The following GPC6 variants were observed in gnomAD, a reference collection of about 807,000 sequenced individuals.
The protein encoded by GPC6 is glypican 6.
In GPC6, 14 loss-of-function variants were observed where a neutral mutation model predicts 55.2. That is an observed-to-expected ratio of 0.25 (90% confidence interval 0.17 to 0.40). GPC6 has a LOEUF of 0.40. Among genes scored for constraint, GPC6 ranks in the 10% least tolerant of loss-of-function variants. The pLI is 1.00. For synonymous variants in GPC6, 278 were observed against 259.6 expected (o/e 1.07, Z -0.68); for missense variants, 641 against 708.5 (o/e 0.90, Z 1.08).
At chr13:93,610,362 G>A (rs936888140) in intron 2 of GPC6, among the ~76,000 whole-genome samples, 18 of 152,094 alleles carry the variant, frequency 1.2e-4, no homozygotes, top group African/African-American at 3.9e-4. Context: ...ATTTTACATC[G>A]CAACCCAGAA....
intron 2 of GPC6, among the ~76,000 whole-genome samples, chr13:93,589,403 C>A (rs986608500): frequency 6.6e-6 from 1 of 152,150 alleles, no homozygotes; most frequent in Non-Finnish European, 1.5e-5. Flanking sequence ...ATGTATCCAT[C>A]CATTAACTCT....
chr13:93,428,524 TCTCTA>T (rs1877238222), intron 1 of GPC6, among the ~76,000 whole-genome samples: 1 of 152,150 alleles, frequency 6.6e-6, no homozygotes, highest in Non-Finnish European at 1.5e-5. Context: ...ATTAAAAACT[TCTCTA>T]CTCTGGGGGT....
At chr13:94,239,192 G>A (rs1331329485) in intron 4 of GPC6, among the ~76,000 whole-genome samples, 8 of 152,096 alleles carry the variant, frequency 5.3e-5, no homozygotes, top group African/African-American at 1.4e-4. Flanking sequence ...GGCCCTTCTC[G>A]GTTTAATTGT....
intron 1 of GPC6, among the ~76,000 whole-genome samples, chr13:93,415,886 G>A (rs1876679948): frequency 6.6e-6 from 1 of 151,954 alleles, no homozygotes; most frequent in Admixed American, 6.6e-5. Context: ...ATTATTTTTG[G>A]AGGGTGATGA....
intron 2 of GPC6, among the ~76,000 whole-genome samples, chr13:93,719,895 G>A (rs987481849): frequency 1.3e-5 from 2 of 152,030 alleles, no homozygotes; most frequent in African/African-American, 4.8e-5. Context: ...TTATTGATTT[G>A]CATATGTTGA....
At chr13:93,871,115 C>A (rs575055401) in intron 3 of GPC6, among the ~76,000 whole-genome samples, 1 of 151,786 alleles carries the variant, frequency 6.6e-6, no homozygotes, top group Non-Finnish European at 1.5e-5. Context: ...CAGGGAATAA[C>A]GGGAGACACA....
At chr13:94,294,488 C>A (rs1339715267) in intron 5 of GPC6, among the ~76,000 whole-genome samples, 1 of 144,138 alleles carries the variant, frequency 6.9e-6, no homozygotes, top group East Asian at 2.1e-4. Flanking sequence ...AATGTAATAA[C>A]TTCTGTCTCT....
At chr13:94,328,765 G>T (rs990351793) in intron 6 of GPC6, among the ~76,000 whole-genome samples, 1 of 152,228 alleles carries the variant, frequency 6.6e-6, no homozygotes, top group African/African-American at 2.4e-5. Flanking sequence ...CTCCACGTCC[G>T]CTGGGGAAGT....
At chr13:93,627,803 T>C (rs1413026941) in intron 2 of GPC6, among the ~76,000 whole-genome samples, 1 of 152,204 alleles carries the variant, frequency 6.6e-6, no homozygotes, top group East Asian at 1.9e-4. Flanking sequence ...GTGGTGTCTT[T>C]TGTTTTATTT....
chr13:93,529,611 GT>G (rs200530991), intron 1 of GPC6, among the ~76,000 whole-genome samples: 8,514 of 149,180 alleles, frequency 0.057, 799 homozygotes, highest in African/African-American at 0.2. Flanking sequence ...CACCTCCCTG[GT>G]TTCAAGCAAT....
At chr13:94,040,035 T>C (rs1883475602) in intron 4 of GPC6, among the ~76,000 whole-genome samples, 1 of 151,908 alleles carries the variant, frequency 6.6e-6, no homozygotes, top group Non-Finnish European at 1.5e-5. Context: ...AATAATTATA[T>C]TTATCATACA....
intron 2 of GPC6, among the ~76,000 whole-genome samples, chr13:93,741,009 A>T (rs1046460670): frequency 1.7e-4 from 26 of 151,376 alleles, no homozygotes; most frequent in African/African-American, 6.3e-4. Context: ...ACATGATGCT[A>T]TTGATTTTAT....
chr13:93,373,058 C>G (rs1874741253), intron 1 of GPC6, among the ~76,000 whole-genome samples: 1 of 152,118 alleles, frequency 6.6e-6, no homozygotes, highest in African/African-American at 2.4e-5. Flanking sequence ...GGATGCAACT[C>G]CACATCTCCC....
chr13:93,887,925 A>G (rs1164464939), intron 3 of GPC6, among the ~76,000 whole-genome samples: 1 of 152,120 alleles, frequency 6.6e-6, no homozygotes, highest in Admixed American at 6.6e-5. Flanking sequence ...CATTCTGACT[A>G]CGGGTTGTGG....
chr13:93,754,901 G>T (rs1179465796), intron 2 of GPC6, among the ~76,000 whole-genome samples: 1 of 152,036 alleles, frequency 6.6e-6, no homozygotes. Flanking sequence ...CAGATCTTCG[G>T]GAACTCCTGA....
chr13:94,103,260 C>T (rs1183124856), intron 4 of GPC6, among the ~76,000 whole-genome samples: 2 of 152,104 alleles, frequency 1.3e-5, no homozygotes, highest in Non-Finnish European at 2.9e-5. Context: ...TGTATATGTG[C>T]CACATTTTCT....
intron 4 of GPC6, among the ~76,000 whole-genome samples, chr13:94,252,689 T>C (rs1891391825): frequency 6.6e-6 from 1 of 152,098 alleles, no homozygotes; most frequent in Non-Finnish European, 1.5e-5. Flanking sequence ...TGTTTATAAA[T>C]TGAATGATGG....
intron 2 of GPC6, among the ~76,000 whole-genome samples, chr13:93,664,760 G>A (rs951012949): frequency 2.0e-5 from 3 of 152,104 alleles, no homozygotes; most frequent in African/African-American, 7.2e-5. Flanking sequence ...TGGGATTACA[G>A]GCATGCGCCA....
intron 3 of GPC6, among the ~76,000 whole-genome samples, chr13:93,921,371 C>T (rs1047302486): frequency 2.0e-5 from 3 of 152,148 alleles, no homozygotes; most frequent in Non-Finnish European, 2.9e-5. Context: ...TTAACCAGCT[C>T]AGTGCCCTCT....
Sources: gnomAD v4.1 joint callset for allele counts (sites outside exome capture counted in the v4.1 genomes callset) on GRCh38, gnomAD v4.1.1 for gene constraint, MANE v1.5 for transcripts, NCBI Gene and HGNC (gene_info 2026-07-23, HGNC 2026-07-21) for gene names.